Variants in U2SURP observed in about 807,000 individuals in gnomAD.
U2SURP encodes U2 snRNP associated SURP domain containing, also known as U2 snRNP-associated SURP motif-containing protein.
In U2SURP, 9 loss-of-function variants were observed where a neutral mutation model predicts 144.9. That is an observed-to-expected ratio of 0.06 (90% CI 0.04 to 0.11). U2SURP has a LOEUF of 0.11. Ranked by LOEUF, U2SURP falls within the 10% of genes least tolerant of loss-of-function variation. U2SURP has a pLI of 1.00. For synonymous variants in U2SURP, 408 were observed against 396.8 expected, an observed-to-expected ratio of 1.03 and a Z score of -0.33; for missense variants, 724 against 1,226.7, an observed-to-expected ratio of 0.59 and a Z score of 6.12.
At chr3:143,042,922 AAG>A (rs1163265558) in intron 23 of U2SURP, among the ~76,000 whole-genome samples, 193 bp from the exon 24 acceptor site, 2 of 152,166 alleles carry the variant, frequency 1.3e-5, no homozygotes, top group African/African-American at 4.8e-5. Context: ...CTGTGGAGGA[AAG>A]AAGTGTTTTA....
At chr3:143,056,274 T>A in intron 27 of U2SURP, 38 bp from the exon 28 acceptor site, 1 of 1,566,030 alleles carries the variant, frequency 6.4e-7, no homozygotes, top group Non-Finnish European at 8.7e-7. Context: ...ATCACATGAG[T>A]ACTTTATCAA....
rs1936001854 is a variant in U2SURP at position 143,009,333 on chromosome 3, C to T, written c.46-1482C>T. On this transcript the variant is annotated intron_variant, in intron 1 of 27. Transcript: ENST00000473835. ...TGAGATGGGGCCGGGTGCGGTCGCTCATGTCTGTAATCCTAGCACTTTCAG... is the reference window on the plus strand; with the variant it reads ...TGAGATGGGGCCGGGTGCGGTCGCTTATGTCTGTAATCCTAGCACTTTCAG... Among the ~76,000 whole-genome samples, 2 of 152,018 alleles carry T rather than the reference C, an allele frequency of 1.3e-5. 1 individual carries two copies. Among genetic ancestry groups the T allele is most frequent in the South Asian group, 4.2e-4 (2 of 4,816 alleles).
At chr3:143,004,917 G>C (rs569962030) in intron 1 of U2SURP, among the ~76,000 whole-genome samples, 4 of 152,120 alleles carry the variant, frequency 2.6e-5, no homozygotes, top group Admixed American at 2.6e-4. Flanking sequence ...TGAGAGGAGA[G>C]AGAGAGAGCC....
At chr3:143,021,218 T>A in intron 8 of U2SURP, 132 bp from the exon 9 acceptor site, 1 of 985,442 alleles carries the variant, frequency 1.0e-6, no homozygotes, top group South Asian at 1.6e-5. Flanking sequence ...ACAACAGAGT[T>A]GTGTGAAGTG....
intron 24 of U2SURP, among the ~76,000 whole-genome samples, chr3:143,044,691 C>A (rs535785024): frequency 1.3e-5 from 2 of 152,122 alleles, no homozygotes; most frequent in African/African-American, 4.8e-5. Context: ...ATTCATTGAA[C>A]GGTATTTTTG....
chr3:143,025,136 T>A (rs924834210), intron 13 of U2SURP, among the ~76,000 whole-genome samples: 15 of 152,168 alleles, frequency 9.9e-5, no homozygotes, highest in Non-Finnish European at 1.8e-4. Context: ...TGAAACATTT[T>A]AAAAATACTT....
Position 143,012,259 on chromosome 3 carries a change from G to C in U2SURP, c.128G>C (p.Ser43Thr). 6 of 1,613,242 alleles carry C rather than the reference G, an allele frequency of 3.7e-6. No homozygotes were observed. The highest frequency in any genetic ancestry group is 4.2e-6 in the Non-Finnish European group (5 of 1,179,510). ...GGACCCTCAGATAGTGATATGCCAA[G>C]TCGGACACGACCTAAGAGCCCAAGA... is the stretch of plus-strand genomic sequence containing the variant. Reference protein sequence around the residue: ...ASGPSDSDMPSRTRPKSPRKH... With the variant: ...ASGPSDSDMPTRTRPKSPRKH... Residue 43 changes from serine (S) to threonine (T), a missense_variant, in exon 3 of 28, where the codon AGT (serine) becomes ACT (threonine). Transcript: ENST00000473835.
chr3:143,003,051 G>T (rs4683442), intron 1 of U2SURP, among the ~76,000 whole-genome samples: 51,201 of 150,714 alleles, frequency 0.34, 9,709 homozygotes, highest in African/African-American at 0.54. Flanking sequence ...CACAATTTTT[G>T]TTTCTTCTCA....
chr3:143,048,983 G>A (rs1934692779), intron 24 of U2SURP, among the ~76,000 whole-genome samples: 1 of 151,844 alleles, frequency 6.6e-6, no homozygotes. Flanking sequence ...GGCCGGGCAT[G>A]GCGGCTCATT....
chr3:143,019,960 C>T lies in U2SURP; in HGVS notation c.571-9C>T, dbSNP rs1936555827. On this transcript the variant is annotated splice_polypyrimidine_tract_variant and intron_variant, in intron 6 of 27. Transcript: ENST00000473835. ...TTGTTTGAAGTATAACTTGTCATAT[C>T]CTTTATAGCCACTTAAAAAAGGAGA... 17 of 1,478,166 alleles carry T rather than the reference C, an allele frequency of 1.2e-5. No homozygotes were observed. Among genetic ancestry groups the T allele is most frequent in the East Asian group, 2.5e-5 (1 of 39,354 alleles). The allele number at this position is 1,478,166 out of a possible 1,614,324, so 91.6% of individuals were successfully genotyped here. A position where few individuals can be genotyped will look rare whatever the true frequency, so the allele number is the denominator to read the frequency against.
At position 143,047,760 on chromosome 3, in the gene U2SURP, C is replaced by G. The variant is rs1289717097; in HGVS notation, c.2545-3179C>G. 1.0e-4 allele frequency among the ~76,000 whole-genome samples: 8 copies of G among 79,166 alleles called. 1 individual carries two copies. The highest frequency in any genetic ancestry group is 3.9e-4 in the African/African-American group (8 of 20,574). 51.9% of individuals were successfully genotyped at this position (79,166 alleles called of 152,430 possible). On this transcript the variant is annotated intron_variant, in intron 24 of 27. Coordinates refer to ENST00000473835, the MANE Select transcript of U2SURP (RefSeq NM_001080415.2). The stretch of plus-strand genomic sequence containing the variant: ...GCTGGCCGGGCGGGGGGCTGACCCT[C>G]CCACCTCCCTCCTGAACGGGGCGAC...
chr3:143,016,286 T>C lies in U2SURP; in HGVS notation c.351T>C (p.Tyr117=). The change falls in exon 5 of 28, where the codon TAT becomes TAC. Residue 117 remains tyrosine, a synonymous_variant. Transcript: ENST00000473835. ...ATGAAAAGGCAGCTGCTGAGATTTATGAGGAGTTTCTTGCTGCTTTTGAAG... is the reference window on the plus strand; with the variant it reads ...ATGAAAAGGCAGCTGCTGAGATTTACGAGGAGTTTCTTGCTGCTTTTGAAG... ...KEDEKAAAEI[Y]EEFLAAFEGS... is the part of the protein sequence containing the mutation. 1 of 1,613,308 alleles carries C rather than the reference T, an allele frequency of 6.2e-7. No homozygotes were observed. The highest frequency in any genetic ancestry group is 8.5e-7 in the Non-Finnish European group (1 of 1,179,398).
intron 23 of U2SURP, among the ~76,000 whole-genome samples, chr3:143,042,663 C>T (rs1053573438): frequency 3.9e-5 from 6 of 152,108 alleles, no homozygotes; most frequent in African/African-American, 1.4e-4. Flanking sequence ...ATCCTTATAG[C>T]TTAACTTTCA....
Position 143,022,846 on chromosome 3 carries a change from C to CATTTTCT in U2SURP, c.1019-7_1019-6insATTTTCT. On this transcript the variant is annotated splice_region_variant and splice_polypyrimidine_tract_variant and intron_variant, in intron 11 of 27. Transcript: ENST00000473835. ...TAACAAAATGACCTTTCATTTCTTTCTTGTAGGAAAAATGATTATGTCTTT... is the reference window on the plus strand; with the variant it reads ...TAACAAAATGACCTTTCATTTCTTTCATTTTCTTTGTAGGAAAAATGATTATGTCTTT... 1 of 1,545,852 alleles carries CATTTTCT rather than the reference C, an allele frequency of 6.5e-7. No homozygotes were observed. Among genetic ancestry groups the CATTTTCT allele is most frequent in the Non-Finnish European group, 8.7e-7 (1 of 1,149,012 alleles).
At chr3:143,015,586 AATT>A (rs1331129999) in intron 4 of U2SURP, among the ~76,000 whole-genome samples, 1 of 151,980 alleles carries the variant, frequency 6.6e-6, no homozygotes, top group Non-Finnish European at 1.5e-5. Flanking sequence ...TTTTTCAAAT[AATT>A]ATTCAGTTAT....
At chr3:143,016,215 A>G (rs777446245) in intron 4 of U2SURP, 42 bp from the exon 5 acceptor site, 45 of 1,575,300 alleles carry the variant, frequency 2.9e-5, no homozygotes, top group East Asian at 6.7e-5. Flanking sequence ...TACATTAACA[A>G]TTTTTGTATT....
intron 1 of U2SURP, among the ~76,000 whole-genome samples, chr3:143,009,198 T>C (rs900305665): frequency 7.2e-5 from 11 of 152,230 alleles, no homozygotes; most frequent in Admixed American, 6.5e-5. Flanking sequence ...AGTTAATAAA[T>C]ACTAAAAATT....
chr3:143,027,696 CT>C (rs760417910), intron 14 of U2SURP, among the ~76,000 whole-genome samples: 2 of 152,080 alleles, frequency 1.3e-5, no homozygotes, highest in Non-Finnish European at 2.9e-5. Flanking sequence ...TTTAAAACTA[CT>C]TTTAATTTAT....
intron 6 of U2SURP, 23 bp downstream of exon 6, chr3:143,016,998 A>C: frequency 6.4e-7 from 1 of 1,554,834 alleles, no homozygotes. Context: ...TAAGTAATTG[A>C]CCATTTATGT....
Sources: gnomAD v4.1 joint callset for allele counts (sites outside exome capture counted in the v4.1 genomes callset) on GRCh38, gnomAD v4.1.1 for gene constraint, MANE v1.5 for transcripts, NCBI Gene and HGNC (gene_info 2026-07-23, HGNC 2026-07-21) for gene names.